The following CUX1 variants were observed in gnomAD, a reference collection of about 807,000 sequenced individuals.
CUX1 encodes the protein protein CASP.
Under a neutral mutation model 158.8 loss-of-function variants are expected in CUX1, and 31 were observed. The observed-to-expected ratio is 0.20, with a 90% CI of 0.15 to 0.26. The LOEUF (loss-of-function observed/expected upper bound fraction) is 0.26. Among genes scored for constraint, CUX1 ranks in the 10% least tolerant of loss-of-function variants. CUX1 has a pLI of 1.00. For missense variants in CUX1, 1,589 were observed against 2,014.6 expected, an observed-to-expected ratio of 0.79 and a Z score of 4.04; for synonymous variants, 879 against 862.1, an observed-to-expected ratio of 1.02 and a Z score of -0.34.
chr7:101,917,646 G>A (rs1280968355), intron 2 of CUX1, among the ~76,000 whole-genome samples: 2 of 152,134 alleles, frequency 1.3e-5, no homozygotes, highest in African/African-American at 4.8e-5. Flanking sequence ...TGCCTCCAGC[G>A]GCTTCAGAGC....
chr7:102,120,455 C>T (rs1476086478), intron 8 of CUX1, among the ~76,000 whole-genome samples: 3 of 152,148 alleles, frequency 2.0e-5, no homozygotes, highest in Non-Finnish European at 4.4e-5. Flanking sequence ...CCTTTCCTGC[C>T]AGTAAAATTC....
intron 2 of CUX1, among the ~76,000 whole-genome samples, chr7:101,957,959 C>T (rs903997153): frequency 5.3e-5 from 8 of 152,176 alleles, no homozygotes; most frequent in African/African-American, 1.9e-4. Flanking sequence ...GCAAGTAATT[C>T]AGTCATCTGA....
In CUX1 at chr7:101,825,790, TGTGTGTGTGCGCGC is replaced by T. The variant is rs1343372192; in HGVS notation, c.30+8123_30+8136del. The stretch of plus-strand genomic sequence containing the variant: ...GTGTGTGTGTGTGTGTGTGTGTGTG[TGTGTGTGTGCGCGC>T]GCGCGCGCAGTTAGTCTTCGGGGCT... On this transcript the variant is annotated intron_variant, in intron 1 of 23. Transcript: ENST00000292535. Among the ~76,000 whole-genome samples the T allele has an allele frequency of 6.5e-3, 679 of 103,864 alleles. 2 individuals are homozygous for T. The highest frequency in any genetic ancestry group is 0.029 in the African/African-American group (647 of 22,492). 68.1% of individuals were successfully genotyped at this position (103,864 alleles called of 152,430 possible).
intron 1 of CUX1, among the ~76,000 whole-genome samples, chr7:101,845,441 G>C (rs1168116714): frequency 6.6e-6 from 1 of 152,124 alleles, no homozygotes; most frequent in Non-Finnish European, 1.5e-5. Flanking sequence ...GGGTGGTGAG[G>C]TACTGTTTGT....
intron 12 of CUX1, among the ~76,000 whole-genome samples, chr7:102,192,737 C>T (rs535984303): frequency 6.2e-4 from 94 of 152,252 alleles, no homozygotes; most frequent in African/African-American, 2.2e-3. Context: ...TGACTCTGCA[C>T]CTGCGAGTCG....
chr7:101,992,164 G>A (rs1815220757), intron 2 of CUX1, among the ~76,000 whole-genome samples: 1 of 152,170 alleles, frequency 6.6e-6, no homozygotes, highest in African/African-American at 2.4e-5. Context: ...GAGGCTTGGA[G>A]GGGGGTGCAC....
intron 19 of CUX1, chr7:102,280,781 C>A (rs782480637): frequency 3.1e-6 from 5 of 1,612,170 alleles, no homozygotes; most frequent in Non-Finnish European, 4.2e-6. Flanking sequence ...GGGGTCCTTT[C>A]CTGACTGTCC....
intron 2 of CUX1, among the ~76,000 whole-genome samples, chr7:101,917,060 G>A (rs1260767594): frequency 6.6e-6 from 1 of 152,200 alleles, no homozygotes; most frequent in Non-Finnish European, 1.5e-5. Flanking sequence ...GTATGGGAAG[G>A]GGTCGCAGCA....
intron 2 of CUX1, among the ~76,000 whole-genome samples, chr7:101,932,989 G>A (rs1806460249): frequency 6.6e-6 from 1 of 152,178 alleles, no homozygotes; most frequent in African/African-American, 2.4e-5. Context: ...TTGATAAAAT[G>A]TTTGGCTTTA....
chr7:101,896,261 G>A, intron 1 of CUX1, among the ~76,000 whole-genome samples: 1 of 152,114 alleles, frequency 6.6e-6, no homozygotes, highest in Non-Finnish European at 1.5e-5. Context: ...GCTCTTGCAG[G>A]TCGTGGGCAG....
chr7:102,251,856 G>GT lies in CUX1; in HGVS notation c.*2816dup. On this transcript the variant is annotated 3_prime_UTR_variant, in exon 24 of 24. Coordinates refer to ENST00000292535, the MANE Select transcript of CUX1 (RefSeq NM_181552.4). Reference sequence around the variant, plus strand: ...AGGCATGACTGTTATTTACAAAGGTGTTAAATCTGAGGAAATTGACAAATA... The same window carrying GT: ...AGGCATGACTGTTATTTACAAAGGTGTTTAAATCTGAGGAAATTGACAAATA... 6.1e-6 allele frequency: 6 copies of GT among 985,410 alleles called. No individual in the cohort carries two copies. Among genetic ancestry groups the GT allele is most frequent in the Non-Finnish European group, 7.2e-6 (6 of 829,916 alleles). The allele number at this position is 985,410 out of a possible 1,614,324, so 61.0% of individuals were successfully genotyped here.
intron 1 of CUX1, among the ~76,000 whole-genome samples, chr7:101,889,864 G>A (rs892541671): frequency 2.0e-5 from 3 of 152,234 alleles, no homozygotes; most frequent in Admixed American, 2.0e-4. Flanking sequence ...TGCAAATGCG[G>A]CCTTCTTACA....
At chr7:102,210,052 T>G (rs1229880777) in intron 20 of CUX1, among the ~76,000 whole-genome samples, 1 of 152,056 alleles carries the variant, frequency 6.6e-6, no homozygotes, top group Non-Finnish European at 1.5e-5. Context: ...CACACTCAGC[T>G]AATTTTTTTA....
Position 102,257,851 on chromosome 7 carries a change from AGAGACCC to A in CUX1, c.*8810_*8816del, listed in dbSNP as rs1790065941. ...ACAGATTTTTTTCTCCAATCCTCAC[AGAGACCC>A]AATTGACCAAAAAAGAAAAAAGGAA... On this transcript the variant is annotated 3_prime_UTR_variant, in exon 24 of 24. Transcript: ENST00000292535. 1.0e-6 allele frequency: 1 copy of A among 982,572 alleles called. No homozygotes were observed. Among genetic ancestry groups the A allele is most frequent in the Non-Finnish European group, 1.2e-6 (1 of 828,668 alleles). 60.9% of individuals were successfully genotyped at this position (982,572 alleles called of 1,614,324 possible).
chr7:102,012,480 G>T (rs1818146033), intron 2 of CUX1, among the ~76,000 whole-genome samples: 1 of 152,162 alleles, frequency 6.6e-6, no homozygotes. Context: ...GAGCCACTGT[G>T]CCTGGCCTTC....
In CUX1 at chr7:101,920,695, T is replaced by G. The variant is rs748194234; in HGVS notation, c.141+4470T>G. Among the ~76,000 whole-genome samples, 79 of 152,256 alleles carry G rather than the reference T, an allele frequency of 5.2e-4. 1 individual carries two copies. The highest frequency in any genetic ancestry group is 2.0e-3 in the Admixed American group (30 of 15,284). On this transcript the variant is annotated intron_variant, in intron 2 of 23. Coordinates refer to ENST00000292535, the MANE Select transcript of CUX1 (RefSeq NM_181552.4). Reference sequence around the variant, plus strand: ...AATTTGCAGAAGATTGCAGTTACTCTGCAGATAAAATTGTATACGTTTTCT... The same window carrying G: ...AATTTGCAGAAGATTGCAGTTACTCGGCAGATAAAATTGTATACGTTTTCT...
At chr7:102,070,686 C>T (rs1585525361) in intron 4 of CUX1, among the ~76,000 whole-genome samples, 2 of 152,216 alleles carry the variant, frequency 1.3e-5, no homozygotes. Flanking sequence ...TCTGGGGCTA[C>T]AGCATAAAAC....
chr7:101,913,363 G>GC (rs1803722309), intron 1 of CUX1: 9 of 1,262,444 alleles, frequency 7.1e-6, no homozygotes, highest in East Asian at 6.0e-5. Flanking sequence ...AGGGAGGGCC[G>GC]CAGACCCCCG....
intron 1 of CUX1, among the ~76,000 whole-genome samples, chr7:101,844,794 T>G (rs998946367): frequency 6.6e-6 from 1 of 152,054 alleles, no homozygotes; most frequent in Non-Finnish European, 1.5e-5. Flanking sequence ...TTTTGTATTT[T>G]TAGTAGAGAC....
Sources: gnomAD v4.1 joint callset for allele counts (sites outside exome capture counted in the v4.1 genomes callset) on GRCh38, gnomAD v4.1.1 for gene constraint, MANE v1.5 for transcripts, NCBI Gene and HGNC (gene_info 2026-07-23, HGNC 2026-07-21) for gene names.